TEX11: variants seen among roughly 807,000 people sequenced by gnomAD.
TEX11 encodes the protein testis-expressed protein 11.
A neutral mutation model predicts 84.4 loss-of-function variants in TEX11; 7 were observed. The ratio of observed to expected loss-of-function variants is 0.08; its 90% CI spans 0.05 to 0.16. The LOEUF is 0.16. TEX11 is among the 10% of genes least tolerant of loss of function. TEX11 has a pLI of 1.00. For synonymous variants in TEX11, 264 were observed against 222.8 expected (o/e 1.18, Z -1.64); for missense variants, 551 against 660.5 (o/e 0.83, Z 1.82).
chrX:70,858,202 C>A (rs1051267840), intron 5 of TEX11, among the ~76,000 whole-genome samples: 2 of 109,684 alleles, frequency 1.8e-5, no homozygotes, highest in Admixed American at 1.0e-4. Flanking sequence ...GTAATCCCAG[C>A]ACTTTGGGAG....
chrX:70,730,882 A>G (rs2090643066), intron 11 of TEX11, among the ~76,000 whole-genome samples: 1 of 111,906 alleles, frequency 8.9e-6, no homozygotes. Flanking sequence ...ACCTATTCCA[A>G]AATTGACCAC....
chrX:70,547,027 CAAAAAAAAAA>C (rs58220663), intron 28 of TEX11, among the ~76,000 whole-genome samples: 3 of 33,894 alleles, frequency 8.9e-5, no homozygotes, highest in African/African-American at 3.9e-4. Context: ...TATTATTCAG[CAAAAAAAAAA>C]AAAAAAAAAA....
intron 4 of TEX11, among the ~76,000 whole-genome samples, chrX:70,861,613 T>C (rs1439382194): frequency 1.8e-5 from 2 of 109,631 alleles, no homozygotes; most frequent in Non-Finnish European, 3.8e-5. Flanking sequence ...ATTACAGGCA[T>C]GCGCCACCAC....
intron 8 of TEX11, among the ~76,000 whole-genome samples, chrX:70,824,773 T>A (rs946086615): frequency 5.4e-5 from 6 of 111,487 alleles, no homozygotes; most frequent in African/African-American, 6.5e-5. Flanking sequence ...CTAATTTACA[T>A]AACAAAAACT....
intron 18 of TEX11, among the ~76,000 whole-genome samples, chrX:70,628,227 C>CAAA (rs1286767309): frequency 1.0e-4 from 7 of 67,616 alleles, no homozygotes; most frequent in African/African-American, 3.8e-4. Context: ...GAGACTTTGT[C>CAAA]AAAAAAAAAA....
intron 25 of TEX11, among the ~76,000 whole-genome samples, chrX:70,567,034 TG>T (rs1486063607): frequency 3.6e-5 from 4 of 111,739 alleles, no homozygotes; most frequent in Non-Finnish European, 7.5e-5. Context: ...CATCTGGTCC[TG>T]GGCTCTTTTT....
At chrX:70,600,603 C>T (rs1196639337) in intron 24 of TEX11, among the ~76,000 whole-genome samples, 4 of 105,457 alleles carry the variant, frequency 3.8e-5, no homozygotes, top group Non-Finnish European at 7.8e-5. Flanking sequence ...CCAAAATTGA[C>T]CACATACTTG....
At chrX:70,687,741 C>T (rs1460829343) in intron 13 of TEX11, among the ~76,000 whole-genome samples, 1 of 110,816 alleles carries the variant, frequency 9.0e-6, no homozygotes, top group Non-Finnish European at 1.9e-5. Context: ...AGCTATTTGG[C>T]AGGCTGAAGT....
chrX:70,779,161 A>G (rs759161728), intron 9 of TEX11, among the ~76,000 whole-genome samples: 1 of 111,607 alleles, frequency 9.0e-6, no homozygotes, highest in South Asian at 3.8e-4. Context: ...TCACGCCTGT[A>G]ATCCCAGCAC....
chrX:70,706,856 T>G (rs754417567), intron 13 of TEX11, among the ~76,000 whole-genome samples: 2 of 111,141 alleles, frequency 1.8e-5, no homozygotes, highest in Non-Finnish European at 3.8e-5. Context: ...ATCTCTCAAA[T>G]TCTTGCATAT....
chrX:70,744,263 T>G, intron 9 of TEX11, 44 bp from the exon 10 acceptor site: 1 of 542,727 alleles, frequency 1.8e-6, no homozygotes, highest in Non-Finnish European at 2.5e-6. Context: ...TATATAAACA[T>G]ATATCCATTT....
chrX:70,517,122 T>C, the TEX11 span, among the ~76,000 whole-genome samples: 49 of 111,493 alleles, frequency 4.4e-4, no homozygotes, highest in African/African-American at 1.5e-3. Flanking sequence ...TTTCTTTCTC[T>C]TCCCTGATTG....
intron 7 of TEX11, among the ~76,000 whole-genome samples, chrX:70,847,640 T>C (rs1305526964): frequency 1.8e-5 from 2 of 111,740 alleles, no homozygotes; most frequent in African/African-American, 3.2e-5. Flanking sequence ...GCAGCCTCAA[T>C]CTGTGATCCT....
At chrX:70,821,991 C>A (rs1006644571) in intron 8 of TEX11, among the ~76,000 whole-genome samples, 1 of 111,434 alleles carries the variant, frequency 9.0e-6, no homozygotes, top group African/African-American at 3.3e-5. Context: ...ATACTCAAGT[C>A]CCTTATATAA....
At chrX:70,668,729 G>A (rs1033674815) in intron 16 of TEX11, among the ~76,000 whole-genome samples, 11 of 112,253 alleles carry the variant, frequency 9.8e-5, no homozygotes, top group African/African-American at 3.2e-4. Flanking sequence ...CTTGACATTA[G>A]AAGAGATGTA....
intron 25 of TEX11, among the ~76,000 whole-genome samples, chrX:70,574,973 A>G (rs974053355): frequency 2.7e-5 from 3 of 111,347 alleles, no homozygotes; most frequent in African/African-American, 9.8e-5. Flanking sequence ...GCTAGAGTAC[A>G]TGGAGCTATG....
At chrX:70,661,993 C>G (rs781557720) in intron 16 of TEX11, among the ~76,000 whole-genome samples, 6 of 112,269 alleles carry the variant, frequency 5.3e-5, no homozygotes, top group Non-Finnish European at 9.4e-5. Context: ...AGCTCCTCAT[C>G]AGCAACGGAA....
intron 17 of TEX11, among the ~76,000 whole-genome samples, chrX:70,634,619 A>G (rs2089548269): frequency 9.0e-6 from 1 of 111,185 alleles, no homozygotes; most frequent in Non-Finnish European, 1.9e-5. Context: ...CACATATATG[A>G]CAACTAATTT....
intron 5 of TEX11, among the ~76,000 whole-genome samples, chrX:70,858,280 T>C (rs1010225579): frequency 3.7e-4 from 40 of 108,455 alleles, no homozygotes; most frequent in African/African-American, 8.4e-4. Flanking sequence ...AAACTCCGTC[T>C]CTACTAAAAA....
Sources: allele counts gnomAD v4.1 joint callset (sites outside exome capture counted in the v4.1 genomes callset), GRCh38; gene constraint gnomAD v4.1.1; transcripts MANE v1.5; gene names NCBI Gene and HGNC (gene_info 2026-07-23, HGNC 2026-07-21).